Variants in ERC1 observed in about 807,000 individuals in gnomAD.
The protein encoded by ERC1 is ELKS/RAB6-interacting/CAST family member 1.
A neutral mutation model predicts 132.0 loss-of-function variants in ERC1; 56 were observed. That is an observed-to-expected ratio of 0.42 (90% CI 0.34 to 0.53). The LOEUF is 0.53. Among genes scored for constraint, ERC1 ranks in the 20% least tolerant of loss-of-function variants. ERC1 has a pLI of 0.03. For synonymous variants in ERC1, 478 were observed against 476.1 expected (o/e 1.00, Z -0.05); for missense variants, 1,202 against 1,349.9 (o/e 0.89, Z 1.72).
chr12:990,629 G>C (rs973865136), upstream of ERC1: 2 of 152,264 alleles, frequency 1.3e-5, no homozygotes, highest in Admixed American at 6.5e-5. Context: ...GCGAGTCTCA[G>C]GTCAGAAGAC....
At chr12:1,083,091 C>G in intron 2 of ERC1, 73 bp from the exon 3 acceptor site, 1 of 1,304,730 alleles carries the variant, frequency 7.7e-7, no homozygotes, top group Non-Finnish European at 1.1e-6. Context: ...ATTTTTGATT[C>G]CTGCAGGCTG....
Position 1,394,032 on chromosome 12 carries a change from AACAAAAAAAAAACCAC to A in ERC1, c.2926-14115_2926-14100del, listed in dbSNP as rs1566757604. On this transcript the variant is annotated intron_variant, in intron 16 of 18. Coordinates refer to ENST00000360905, the MANE Select transcript of ERC1 (RefSeq NM_178040.4). ...CTCCGTCTCAAAAAAAAAAAAAAAAAACAAAAAAAAAACCACAAAGCATTAAGCAATTTAATTTCTG... is the reference window on the plus strand; with the variant it reads ...CTCCGTCTCAAAAAAAAAAAAAAAAAAAAGCATTAAGCAATTTAATTTCTG... Among the ~76,000 whole-genome samples the A allele has an allele frequency of 6.1e-5, 7 of 115,262 alleles. 3 individuals carry two copies. Among genetic ancestry groups the A allele is most frequent in the Non-Finnish European group, 7.5e-5 (4 of 53,464 alleles). 75.6% of individuals were successfully genotyped at this position (115,262 alleles called of 152,430 possible). A position where few individuals can be genotyped will look rare whatever the true frequency, so the allele number is the denominator to read the frequency against.
intron 12 of ERC1, among the ~76,000 whole-genome samples, chr12:1,201,704 A>C (rs973628718): frequency 1.3e-5 from 2 of 152,198 alleles, no homozygotes; most frequent in Admixed American, 1.3e-4. Flanking sequence ...TTTTTCCTTA[A>C]ATTTTGAATT....
chr12:1,013,809 G>A (rs1313308313), intron 1 of ERC1, among the ~76,000 whole-genome samples: 1 of 152,142 alleles, frequency 6.6e-6, no homozygotes, highest in Non-Finnish European at 1.5e-5. Flanking sequence ...ATAGGTCGCT[G>A]CAGCCTTGAA....
At chr12:1,370,875 G>C (rs1248788068) in intron 15 of ERC1, among the ~76,000 whole-genome samples, 2 of 152,060 alleles carry the variant, frequency 1.3e-5, no homozygotes, top group Non-Finnish European at 2.9e-5. Context: ...CCAGAAGCGT[G>C]TGCCACCGCA....
At chr12:1,332,067 A>G (rs974633625) in intron 15 of ERC1, among the ~76,000 whole-genome samples, 1 of 152,036 alleles carries the variant, frequency 6.6e-6, no homozygotes, top group Non-Finnish European at 1.5e-5. Context: ...CATTTTCACT[A>G]TTCTCACCTT....
At chr12:1,401,523 C>T (rs1186791982) in intron 16 of ERC1, among the ~76,000 whole-genome samples, 1 of 152,126 alleles carries the variant, frequency 6.6e-6, no homozygotes, top group South Asian at 2.1e-4. Flanking sequence ...GGCTCTGAAG[C>T]TAGACTGTTT....
chr12:1,449,245 G>A (rs962001945), intron 18 of ERC1, among the ~76,000 whole-genome samples: 1 of 152,122 alleles, frequency 6.6e-6, no homozygotes, highest in African/African-American at 2.4e-5. Context: ...ATGAGACTTT[G>A]GACTTGGACT....
intron 3 of ERC1, 43 bp from the exon 4 acceptor site, chr12:1,104,707 T>C (rs368739128): frequency 7.2e-7 from 1 of 1,387,274 alleles, no homozygotes; most frequent in African/African-American, 1.4e-5. Context: ...AAAATGAGGG[T>C]GAACAGGAGA....
At chr12:1,460,135 T>G (rs1267015517) in intron 18 of ERC1, among the ~76,000 whole-genome samples, 1 of 152,224 alleles carries the variant, frequency 6.6e-6, no homozygotes, top group Admixed American at 6.5e-5. Flanking sequence ...ATGCTCAAAT[T>G]CTCCAAGATG....
At chr12:1,418,816 G>C (rs184775202) in intron 17 of ERC1, among the ~76,000 whole-genome samples, 197 of 151,642 alleles carry the variant, frequency 1.3e-3, no homozygotes, top group Non-Finnish European at 1.8e-3. Context: ...GGGCTCAAGG[G>C]ATCCTCTTGC....
chr12:1,477,765 A>G (rs1333373709), intron 18 of ERC1, among the ~76,000 whole-genome samples: 1 of 152,182 alleles, frequency 6.6e-6, no homozygotes, highest in Non-Finnish European at 1.5e-5. Flanking sequence ...TCCTCCTTCC[A>G]GTCACTCCTC....
chr12:1,431,051 A>C (rs547810191), intron 17 of ERC1, among the ~76,000 whole-genome samples: 1 of 152,320 alleles, frequency 6.6e-6, no homozygotes, highest in Admixed American at 6.5e-5. Flanking sequence ...TAATTCAGAA[A>C]GTTAACTTGC....
intron 1 of ERC1, among the ~76,000 whole-genome samples, chr12:992,662 T>A (rs1959827746): frequency 6.6e-6 from 1 of 152,232 alleles, no homozygotes; most frequent in Non-Finnish European, 1.5e-5. Flanking sequence ...TTCAATGTTC[T>A]TCACATCACT....
chr12:1,238,024 T>G (rs1262854101), intron 13 of ERC1, among the ~76,000 whole-genome samples: 1 of 152,206 alleles, frequency 6.6e-6, no homozygotes, highest in Non-Finnish European at 1.5e-5. Context: ...TATGTAACTT[T>G]TACTGATTAT....
chr12:1,177,696 G>C (rs1444406168), intron 8 of ERC1, among the ~76,000 whole-genome samples: 1 of 152,162 alleles, frequency 6.6e-6, no homozygotes, highest in Non-Finnish European at 1.5e-5. Context: ...CAATAATAGT[G>C]AAAAAGAAAT....
intron 2 of ERC1, among the ~76,000 whole-genome samples, chr12:1,078,847 A>T (rs1209366931): frequency 2.6e-5 from 4 of 152,008 alleles, no homozygotes; most frequent in Non-Finnish European, 5.9e-5. Flanking sequence ...ATACATATAG[A>T]AATGATTTGT....
intron 2 of ERC1, among the ~76,000 whole-genome samples, chr12:1,062,252 G>A (rs574086347): frequency 6.6e-6 from 1 of 152,056 alleles, no homozygotes; most frequent in Non-Finnish European, 1.5e-5. Context: ...GAAGTGCTGG[G>A]ATTACAGGTG....
chr12:1,356,450 T>C (rs1042565154), intron 15 of ERC1, among the ~76,000 whole-genome samples: 4 of 152,054 alleles, frequency 2.6e-5, no homozygotes, highest in African/African-American at 7.2e-5. Context: ...AGTTGCTGTT[T>C]TTGTGTGTGT....
Sources: allele counts gnomAD v4.1 joint callset (sites outside exome capture counted in the v4.1 genomes callset), GRCh38; gene constraint gnomAD v4.1.1; transcripts MANE v1.5; gene names NCBI Gene and HGNC (gene_info 2026-07-23, HGNC 2026-07-21).